The following ETS1 variants were observed in gnomAD, a reference collection of about 807,000 sequenced individuals.
ETS1 encodes ETS proto-oncogene 1, transcription factor.
ETS1 carries 15 observed loss-of-function variants against 58.6 expected under a neutral mutation model. The observed-to-expected ratio is 0.26, with a 90% CI of 0.17 to 0.39. ETS1 has a LOEUF of 0.39. Among genes scored for constraint, ETS1 ranks in the 10% least tolerant of loss-of-function variants. The probability of loss-of-function intolerance (pLI) is 1.00; values close to 1 mark genes in which losing one functional copy is unlikely to be tolerated. For synonymous variants in ETS1, 214 were observed against 218.2 expected, an observed-to-expected ratio of 0.98 and a Z score of 0.17; for missense variants, 417 against 610.5, an observed-to-expected ratio of 0.68 and a Z score of 3.34.
At chr11:128,521,899 C>T in intron 3 of ETS1, 1 of 1,588,806 alleles carries the variant, frequency 6.3e-7, no homozygotes, top group Non-Finnish European at 8.6e-7. Flanking sequence ...GGGGCCTCGG[C>T]CGTCGCCACT....
chr11:128,581,283 G>C (rs1864865543), intron 1 of ETS1, among the ~76,000 whole-genome samples: 1 of 151,832 alleles, frequency 6.6e-6, no homozygotes, highest in African/African-American at 2.4e-5. Context: ...TCTAGTCTCT[G>C]AAACCTTTGA....
Position 128,463,230 on chromosome 11 carries a change from C to T in ETS1, c.1242+279G>A, listed in dbSNP as rs1025966792. Among the ~76,000 whole-genome samples, 2 of 152,234 alleles carry T rather than the reference C, an allele frequency of 1.3e-5. No homozygotes were observed. The highest frequency in any genetic ancestry group is 2.4e-5 in the African/African-American group (1 of 41,468). On this transcript the variant is annotated intron_variant, in intron 9 of 9. Coordinates refer to ENST00000392668, the MANE Select transcript of ETS1 (RefSeq NM_001143820.2). The surrounding 1 kb of genome is among the most constrained non-coding windows in gnomAD (Gnocchi z 4.1). ...ACCGGGCTAGGAAGAGGCTAAGTCA[C>T]AGGAGGCAGCTCTATGGGTGATAAC...
At chr11:128,522,112 A>C (rs1249036960) in intron 3 of ETS1, 6 of 1,311,108 alleles carry the variant, frequency 4.6e-6, no homozygotes, top group African/African-American at 1.5e-5. Flanking sequence ...CTTTCTTCCC[A>C]AAAATCTCAA....
At chr11:128,525,443 C>G (rs931414918) in intron 3 of ETS1, among the ~76,000 whole-genome samples, 3 of 152,110 alleles carry the variant, frequency 2.0e-5, no homozygotes, top group Non-Finnish European at 4.4e-5. Context: ...CAGAAGTGTC[C>G]TAGCATGTTA....
At position 128,462,433 on chromosome 11, in the gene ETS1, C is replaced by A. The variant is rs140594398; in HGVS notation, c.1386G>T (p.Leu462=). 6 of 1,614,186 alleles carry A rather than the reference C, an allele frequency of 3.7e-6. No homozygotes were observed. In the East Asian group the frequency reaches 1.3e-4, roughly 36 times the overall value. ...KRYVYRFVCD[L]QSLLGYTPEE... ...CAGGGGTGTACCCCAGCAGGCTCTG[C>A]AGGTCACACACAAAGCGGTACACGT... is the stretch of plus-strand genomic sequence containing the variant. Residue 462 remains leucine, a synonymous_variant, in exon 10 of 10, where the codon CTG becomes CTT. Coordinates refer to ENST00000392668, the MANE Select transcript of ETS1 (RefSeq NM_001143820.2).
At chr11:128,516,704 G>A (rs1007064258) in intron 3 of ETS1, among the ~76,000 whole-genome samples, 1 of 152,128 alleles carries the variant, frequency 6.6e-6, no homozygotes, top group Non-Finnish European at 1.5e-5. Flanking sequence ...CCTGACACAT[G>A]GAATGGACTT....
At chr11:128,505,594 G>A (rs547073583) in intron 3 of ETS1, among the ~76,000 whole-genome samples, 20 of 152,334 alleles carry the variant, frequency 1.3e-4, no homozygotes, top group African/African-American at 4.8e-4. Flanking sequence ...ACCCAGGGCA[G>A]ACAGCCTCAG....
At chr11:128,550,764 T>C (rs1864216519) in intron 3 of ETS1, among the ~76,000 whole-genome samples, 1 of 152,178 alleles carries the variant, frequency 6.6e-6, no homozygotes. Context: ...TGTTTCCCCA[T>C]CTCCCTTAAT....
intron 3 of ETS1, among the ~76,000 whole-genome samples, chr11:128,502,493 AT>A (rs1205023721): frequency 6.6e-6 from 1 of 152,146 alleles, no homozygotes; most frequent in Non-Finnish European, 1.5e-5. Flanking sequence ...TTAATTATAC[AT>A]GTTTAGGAGC....
At position 128,557,122 on chromosome 11, in the gene ETS1, G is replaced by GTA. The variant is rs140118739; in HGVS notation, c.70-689_70-688dup. 7.2e-3 allele frequency among the ~76,000 whole-genome samples: 1,094 copies of GTA among 152,310 alleles called. 11 individuals carry two copies. The highest frequency in any genetic ancestry group is 0.025 in the African/African-American group (1,037 of 41,554). ...TTAAAACCCTAGGCTTTGAAGCCAGGTATACATAATTCAAATCCCAGCTCT... is the reference window on the plus strand; with the variant it reads ...TTAAAACCCTAGGCTTTGAAGCCAGGTATATACATAATTCAAATCCCAGCTCT... On this transcript the variant is annotated intron_variant, in intron 2 of 9. Transcript: ENST00000392668.
intron 3 of ETS1, among the ~76,000 whole-genome samples, chr11:128,514,231 T>G (rs1279138624): frequency 6.6e-6 from 1 of 152,032 alleles, no homozygotes; most frequent in Admixed American, 6.6e-5. Context: ...ACAGTATGAG[T>G]AGGAGGAAAA....
chr11:128,548,201 C>G lies in ETS1; in HGVS notation c.214+8090G>C, dbSNP rs554566744. 4.6e-5 allele frequency among the ~76,000 whole-genome samples: 6 copies of G among 130,598 alleles called. No homozygotes were observed. In the South Asian group the frequency reaches 1.6e-3, roughly 35 times the overall value. The allele number at this position is 130,598 out of a possible 152,430, so 85.7% of individuals were successfully genotyped here. A position where few individuals can be genotyped will look rare whatever the true frequency, so the allele number is the denominator to read the frequency against. ...GAAAAAGAAGTGGGGGAGTGAGAGACGAAGGAAGAAAAGGAGGGAGGGGAA... is the reference window on the plus strand; with the variant it reads ...GAAAAAGAAGTGGGGGAGTGAGAGAGGAAGGAAGAAAAGGAGGGAGGGGAA... On this transcript the variant is annotated intron_variant, in intron 3 of 9. Transcript: ENST00000392668.
At chr11:128,583,728 A>C (rs1472237432) in intron 1 of ETS1, among the ~76,000 whole-genome samples, 1 of 152,152 alleles carries the variant, frequency 6.6e-6, no homozygotes, top group Non-Finnish European at 1.5e-5. Flanking sequence ...GAAAATTTAT[A>C]TATTTTTTCC....
intron 4 of ETS1, 66 bp downstream of exon 4, chr11:128,490,391 G>A: frequency 2.5e-6 from 4 of 1,570,784 alleles, no homozygotes; most frequent in Non-Finnish European, 3.5e-6. Context: ...CACACTCCAG[G>A]TGAGAAAATG....
intron 3 of ETS1, among the ~76,000 whole-genome samples, chr11:128,542,570 A>G (rs1370188411): frequency 6.6e-6 from 1 of 152,206 alleles, no homozygotes; most frequent in Non-Finnish European, 1.5e-5. Context: ...AGGTATTAAA[A>G]AAAAAACAAA....
chr11:128,546,789 G>T (rs1352248196), intron 3 of ETS1, among the ~76,000 whole-genome samples: 2 of 152,170 alleles, frequency 1.3e-5, no homozygotes, highest in Admixed American at 6.5e-5. Context: ...CCCTTTAGGG[G>T]CACTATTTCT....
intron 3 of ETS1, among the ~76,000 whole-genome samples, chr11:128,532,922 T>C (rs1863920826): frequency 6.6e-6 from 1 of 152,156 alleles, no homozygotes; most frequent in African/African-American, 2.4e-5. Context: ...AGTCAGCCCA[T>C]TGTAAAGCTA....
At chr11:128,582,529 C>T (rs1217527959) in intron 1 of ETS1, among the ~76,000 whole-genome samples, 1 of 152,120 alleles carries the variant, frequency 6.6e-6, no homozygotes, top group Middle Eastern at 3.4e-3. Context: ...TTTTCTACTG[C>T]CCAACATGGC....
At chr11:128,478,101 G>T (rs373242709) in intron 8 of ETS1, among the ~76,000 whole-genome samples, 1 of 152,148 alleles carries the variant, frequency 6.6e-6, no homozygotes, top group Non-Finnish European at 1.5e-5. Flanking sequence ...AATTGTCAAG[G>T]AGAAAGAATT....
Sources: gnomAD v4.1 joint callset for allele counts (sites outside exome capture counted in the v4.1 genomes callset) on GRCh38, gnomAD v4.1.1 for gene constraint, Gnocchi (gnomAD v3.1) non-coding constraint, MANE v1.5 for transcripts, NCBI Gene and HGNC (gene_info 2026-07-23, HGNC 2026-07-21) for gene names.